Variants in THSD7B observed in about 807,000 individuals in gnomAD.
THSD7B encodes the protein thrombospondin type-1 domain-containing protein 7B.
In THSD7B, 138 loss-of-function variants were observed where a neutral mutation model predicts 213.6. That is an observed-to-expected ratio of 0.65 (90% CI 0.56 to 0.74). The LOEUF (loss-of-function observed/expected upper bound fraction) is 0.74. Ranked by LOEUF, THSD7B falls within the 30% of genes least tolerant of loss-of-function variation. The pLI is 0.00. For missense variants in THSD7B, 1,931 were observed against 1,991.5 expected (o/e 0.97, Z 0.58); for synonymous variants, 742 against 687.0 (o/e 1.08, Z -1.25).
At chr2:137,667,889 G>A in intron 27 of THSD7B, 28 bp downstream of exon 27, 2 of 1,516,284 alleles carry the variant, frequency 1.3e-6, no homozygotes, top group Admixed American at 2.0e-5. Context: ...AAAAGTTTAT[G>A]TTCCGTATTT....
intron 17 of THSD7B, among the ~76,000 whole-genome samples, chr2:137,600,844 A>T (rs529530635): frequency 6.6e-6 from 1 of 152,202 alleles, no homozygotes; most frequent in African/African-American, 2.4e-5. Flanking sequence ...TGATAGCTCT[A>T]TGCATGTTAT....
chr2:137,087,855 G>T (rs1335737839), intron 3 of THSD7B, among the ~76,000 whole-genome samples: 2 of 152,100 alleles, frequency 1.3e-5, no homozygotes, highest in Admixed American at 1.3e-4. Flanking sequence ...GCAAGACTAA[G>T]CAAAAAGGAC....
At chr2:137,627,479 C>A (rs1428639729) in intron 20 of THSD7B, among the ~76,000 whole-genome samples, 1 of 152,172 alleles carries the variant, frequency 6.6e-6, no homozygotes, top group African/African-American at 2.4e-5. Flanking sequence ...GATTTGAAAG[C>A]AGTTTTCTAG....
At chr2:136,790,124 T>TG (rs1357458583) in intron 1 of THSD7B, among the ~76,000 whole-genome samples, 1 of 151,280 alleles carries the variant, frequency 6.6e-6, no homozygotes, top group Non-Finnish European at 1.5e-5. Context: ...TGTGTTTGTG[T>TG]GTGTGTGTGT....
At chr2:137,040,605 A>C (rs1309337044) in intron 2 of THSD7B, among the ~76,000 whole-genome samples, 3 of 152,020 alleles carry the variant, frequency 2.0e-5, no homozygotes, top group Admixed American at 1.3e-4. Flanking sequence ...ACATTGGCCA[A>C]ACTGGTCTCG....
At chr2:137,190,357 G>A (rs1241057496) in intron 7 of THSD7B, among the ~76,000 whole-genome samples, 1 of 152,122 alleles carries the variant, frequency 6.6e-6, no homozygotes, top group Non-Finnish European at 1.5e-5. Context: ...TTGTGTGCAA[G>A]TGGCTTGAAG....
chr2:136,890,125 T>A (rs150515330), intron 2 of THSD7B, among the ~76,000 whole-genome samples: 2 of 152,214 alleles, frequency 1.3e-5, no homozygotes, highest in African/African-American at 4.8e-5. Context: ...TGATCCCGAC[T>A]TTTTGCACAT....
rs557712184 is a variant in THSD7B, at chr2:137,070,796, C to A, written c.950+13566C>A. Among the ~76,000 whole-genome samples the A allele has an allele frequency of 7.9e-4, 120 of 151,814 alleles. 3 individuals carry two copies. Among genetic ancestry groups the A allele is most frequent in the Non-Finnish European group, 3.1e-4 (21 of 67,934 alleles). Reference sequence around the variant, plus strand: ...TCTCATTGTTCAATTCCCACCTATGCGTGAGAACATGCGGTGTTTGGTTTT... The same window carrying A: ...TCTCATTGTTCAATTCCCACCTATGAGTGAGAACATGCGGTGTTTGGTTTT... On this transcript the variant is annotated intron_variant, in intron 3 of 27. Transcript: ENST00000409968.
intron 5 of THSD7B, among the ~76,000 whole-genome samples, chr2:137,137,615 T>A (rs933710106): frequency 6.6e-6 from 1 of 152,112 alleles, no homozygotes; most frequent in Non-Finnish European, 1.5e-5. Context: ...ATAGCCTAGG[T>A]GTATAGTAGA....
intron 14 of THSD7B, among the ~76,000 whole-genome samples, chr2:137,423,006 G>A (rs545133577): frequency 5.9e-5 from 9 of 152,164 alleles, no homozygotes; most frequent in East Asian, 5.8e-4. Flanking sequence ...TGAAATCCAC[G>A]TACAACTTTC....
chr2:137,006,129 C>T (rs1279164105), intron 2 of THSD7B, among the ~76,000 whole-genome samples: 3 of 152,136 alleles, frequency 2.0e-5, no homozygotes, highest in African/African-American at 7.2e-5. Flanking sequence ...AGCGGTGGCT[C>T]ACACCTATAA....
chr2:136,864,202 A>G (rs1484776743), intron 1 of THSD7B, among the ~76,000 whole-genome samples: 1 of 152,234 alleles, frequency 6.6e-6, no homozygotes, highest in Non-Finnish European at 1.5e-5. Flanking sequence ...GGCTTCCTCA[A>G]GCAGGCAGCA....
At position 137,014,917 on chromosome 2, in the gene THSD7B, C is replaced by A. The variant is rs560370692; in HGVS notation, c.140-41503C>A. Among the ~76,000 whole-genome samples, 42 of 152,254 alleles carry A rather than the reference C, an allele frequency of 2.8e-4. No individual in the cohort carries two copies. The South Asian group carries it at 8.5e-3, about 31-fold the overall frequency. ...TGCTCACCCAGCCTGGAACCCCTCC[C>A]CTGTGTCCTTCCCTACCTGCCTCTG... On this transcript the variant is annotated intron_variant, in intron 2 of 27. Coordinates refer to ENST00000409968, the MANE Select transcript of THSD7B (RefSeq NM_001316349.2).
chr2:137,312,564 G>T (rs902787278), intron 12 of THSD7B, among the ~76,000 whole-genome samples: 74 of 151,684 alleles, frequency 4.9e-4, no homozygotes, highest in African/African-American at 1.7e-3. Flanking sequence ...GAATGTGTTT[G>T]CCCTTGCTTT....
At chr2:137,012,030 T>C (rs552791852) in intron 2 of THSD7B, among the ~76,000 whole-genome samples, 1 of 152,142 alleles carries the variant, frequency 6.6e-6, no homozygotes, top group Non-Finnish European at 1.5e-5. Flanking sequence ...GAATTTAGCA[T>C]CAGCAATCCT....
chr2:136,997,180 C>T (rs1379047619), intron 2 of THSD7B, among the ~76,000 whole-genome samples: 1 of 152,108 alleles, frequency 6.6e-6, no homozygotes, highest in African/African-American at 2.4e-5. Context: ...AAAATATTCC[C>T]TGGTGTAGGA....
chr2:136,815,011 T>G (rs1430398929), intron 1 of THSD7B, among the ~76,000 whole-genome samples: 2 of 152,222 alleles, frequency 1.3e-5, no homozygotes, highest in East Asian at 1.9e-4. Context: ...GCTCATTAAT[T>G]TATCTATTCA....
chr2:137,427,613 C>T (rs763681787), intron 14 of THSD7B, among the ~76,000 whole-genome samples: 8 of 151,990 alleles, frequency 5.3e-5, no homozygotes, highest in Non-Finnish European at 1.0e-4. Flanking sequence ...TACATGATCT[C>T]GCTTATATGT....
intron 20 of THSD7B, among the ~76,000 whole-genome samples, chr2:137,623,065 T>C (rs1157460484): frequency 1.3e-5 from 2 of 152,188 alleles, no homozygotes; most frequent in Non-Finnish European, 2.9e-5. Context: ...TGAACATCGA[T>C]GCAAAAATCC....
Sources: allele counts gnomAD v4.1 joint callset (sites outside exome capture counted in the v4.1 genomes callset), GRCh38; gene constraint gnomAD v4.1.1; transcripts MANE v1.5; gene names NCBI Gene and HGNC (gene_info 2026-07-23, HGNC 2026-07-21).